PXT1: variants seen among roughly 807,000 people sequenced by gnomAD.
The protein encoded by PXT1 is peroxisomal testis enriched protein 1, also known as peroxisomal testis-specific protein 1.
In PXT1, 11 loss-of-function variants were observed where a neutral mutation model predicts 11.0. The observed-to-expected ratio is 1.00, with a 90% CI of 0.63 to 1.66. PXT1 has a LOEUF of 1.66. PXT1 is among the 40% of genes most tolerant of loss of function. The probability of loss-of-function intolerance (pLI) is 0.00; values close to 1 mark genes in which losing one functional copy is unlikely to be tolerated. For missense variants in PXT1, 141 were observed against 155.5 expected (o/e 0.91, Z 0.49); for synonymous variants, 43 against 51.4 (o/e 0.84, Z 0.70).
intron 3 of PXT1, among the ~76,000 whole-genome samples, chr6:36,401,581 G>C (rs975858299): frequency 6.8e-6 from 1 of 146,242 alleles, no homozygotes; most frequent in Admixed American, 7.0e-5. Context: ...ACACCACTGC[G>C]CTCCAGCCTG....
chr6:36,418,884 A>G (rs1347781024), intron 3 of PXT1, among the ~76,000 whole-genome samples: 1 of 152,198 alleles, frequency 6.6e-6, no homozygotes, highest in African/African-American at 2.4e-5. Context: ...GCAGGATCCC[A>G]TGACAGAGTA....
chr6:36,409,942 AAAG>A (rs1373648974), intron 3 of PXT1, among the ~76,000 whole-genome samples: 1 of 122,690 alleles, frequency 8.2e-6, no homozygotes, highest in Admixed American at 8.7e-5. Flanking sequence ...CGAAGGAAAG[AAAG>A]AAAGAGAAAG....
rs1006083160 is a variant in PXT1 at position 36,435,091 on chromosome 6, G to GA, written c.-10+3675dup. On this transcript the variant is annotated intron_variant, in intron 2 of 4. Coordinates refer to ENST00000454782, the MANE Select transcript of PXT1 (RefSeq NM_152990.4). ...CAATATCTGAATAATAAGAATTCCA[G>GA]AAAAAAAAAAGAAAAAAGAAAAATT... Among the ~76,000 whole-genome samples, 605 of 142,312 alleles carry GA rather than the reference G, an allele frequency of 4.3e-3. 2 individuals are homozygous for GA. The highest frequency in any genetic ancestry group is 0.014 in the African/African-American group (537 of 38,928). 93.4% of individuals were successfully genotyped at this position (142,312 alleles called of 152,430 possible).
At chr6:36,411,580 C>G (rs1774376540) in intron 3 of PXT1, among the ~76,000 whole-genome samples, 2 of 152,198 alleles carry the variant, frequency 1.3e-5, no homozygotes, top group African/African-American at 2.4e-5. Flanking sequence ...TACTACCCAT[C>G]TGGGGGAACA....
At position 36,406,165 on chromosome 6, in the gene PXT1, A is replaced by G. The variant is rs200205159; in HGVS notation, c.170-5581T>C. On this transcript the variant is annotated intron_variant, in intron 3 of 4. Coordinates refer to ENST00000454782, the MANE Select transcript of PXT1 (RefSeq NM_152990.4). ...CCCACACCCCCTTCCAGGAGAATCTATCTTGTTGCCTAAGCAATCAGGTTC... is the reference window on the plus strand; with the variant it reads ...CCCACACCCCCTTCCAGGAGAATCTGTCTTGTTGCCTAAGCAATCAGGTTC... 3.9e-5 allele frequency among the ~76,000 whole-genome samples: 6 copies of G among 152,338 alleles called. No homozygotes were observed. The East Asian group carries it at 7.7e-4, about 20-fold the overall frequency.
At chr6:36,411,931 G>C (rs1774380918) in intron 3 of PXT1, among the ~76,000 whole-genome samples, 1 of 152,164 alleles carries the variant, frequency 6.6e-6, no homozygotes, top group Admixed American at 6.5e-5. Context: ...CTGGGTAATA[G>C]AGTAAGACCT....
At chr6:36,413,424 AT>A (rs762644632) in intron 3 of PXT1, among the ~76,000 whole-genome samples, 86 of 150,594 alleles carry the variant, frequency 5.7e-4, no homozygotes, top group African/African-American at 9.5e-4. Context: ...CTCAAAAAAA[AT>A]AAGAAAGAAA....
At chr6:36,433,894 A>C (rs1399082907) in intron 2 of PXT1, among the ~76,000 whole-genome samples, 1 of 151,690 alleles carries the variant, frequency 6.6e-6, no homozygotes, top group Non-Finnish European at 1.5e-5. Flanking sequence ...CTGAAGTGAG[A>C]TGTCATATTG....
chr6:36,415,021 AAATGTTT>A (rs1309242149), intron 3 of PXT1, among the ~76,000 whole-genome samples: 1 of 152,248 alleles, frequency 6.6e-6, no homozygotes, highest in Non-Finnish European at 1.5e-5. Context: ...TATCATAGTT[AAATGTTT>A]AATTCTTAAC....
intron 4 of PXT1, among the ~76,000 whole-genome samples, chr6:36,397,294 C>T (rs1417963521): frequency 3.9e-5 from 6 of 152,100 alleles, no homozygotes; most frequent in African/African-American, 1.4e-4. Flanking sequence ...ACAAATGGTA[C>T]TCCAGGCACA....
chr6:36,411,609 A>T (rs1774376625), intron 3 of PXT1, among the ~76,000 whole-genome samples: 1 of 152,176 alleles, frequency 6.6e-6, no homozygotes, highest in Non-Finnish European at 1.5e-5. Context: ...ATAACAGCAG[A>T]AAAAACCCAC....
At chr6:36,414,549 T>C (rs1774422253) in intron 3 of PXT1, among the ~76,000 whole-genome samples, 1 of 152,256 alleles carries the variant, frequency 6.6e-6, no homozygotes, top group African/African-American at 2.4e-5. Flanking sequence ...CAGGGCTTTA[T>C]CTGTATAACT....
chr6:36,435,180 C>A (rs1168465899), intron 2 of PXT1, among the ~76,000 whole-genome samples: 1 of 152,124 alleles, frequency 6.6e-6, no homozygotes, highest in East Asian at 1.9e-4. Flanking sequence ...TGGCTCATGT[C>A]TTTAATCCCA....
intron 4 of PXT1, among the ~76,000 whole-genome samples, chr6:36,394,540 T>C (rs2127409177): frequency 6.6e-6 from 1 of 151,994 alleles, no homozygotes; most frequent in African/African-American, 2.4e-5. Context: ...GATGGTGTAG[T>C]ACCTAGACCC....
At chr6:36,403,741 T>C (rs931250295) in intron 3 of PXT1, among the ~76,000 whole-genome samples, 7 of 152,052 alleles carry the variant, frequency 4.6e-5, no homozygotes, top group African/African-American at 1.4e-4. Context: ...TGGTGGTACA[T>C]GCCTGTGGTC....
intron 2 of PXT1, among the ~76,000 whole-genome samples, chr6:36,436,113 CAA>C (rs11294829): frequency 0.17 from 10,334 of 60,644 alleles, 491 homozygotes; most frequent in Non-Finnish European, 0.22. Context: ...AAAAGTAAGC[CAA>C]AAAAAAAAAA....
chr6:36,427,977 G>A (rs1430539349), intron 2 of PXT1, among the ~76,000 whole-genome samples: 3 of 152,160 alleles, frequency 2.0e-5, no homozygotes, highest in Non-Finnish European at 4.4e-5. Flanking sequence ...CTGGGGGATA[G>A]GGAGCTGAGA....
intron 3 of PXT1, among the ~76,000 whole-genome samples, chr6:36,418,302 G>C (rs1365233682): frequency 1.3e-5 from 2 of 152,158 alleles, no homozygotes; most frequent in African/African-American, 4.8e-5. Flanking sequence ...ATGCACCCAG[G>C]GTTAAGAATC....
intron 2 of PXT1, among the ~76,000 whole-genome samples, chr6:36,436,113 C>CAAAAAAAAAAAAAAAAAAAAAAAA (rs11294829): frequency 1.7e-5 from 1 of 60,094 alleles, no homozygotes; most frequent in Non-Finnish European, 3.3e-5. Flanking sequence ...AAAAGTAAGC[C>CAAAAAAAAAAAAAAAAAAAAAAAA]AAAAAAAAAA....
Sources: gnomAD v4.1 joint callset for allele counts (sites outside exome capture counted in the v4.1 genomes callset) on GRCh38, gnomAD v4.1.1 for gene constraint, MANE v1.5 for transcripts, NCBI Gene and HGNC (gene_info 2026-07-23, HGNC 2026-07-21) for gene names.